The following USP6NL variants were observed in gnomAD, a reference collection of about 807,000 sequenced individuals.
The protein encoded by USP6NL is USP6 N-terminal-like protein.
Under a neutral mutation model 61.9 loss-of-function variants are expected in USP6NL, and 26 were observed. That is an observed-to-expected ratio of 0.42 (90% CI 0.31 to 0.58). USP6NL has a LOEUF of 0.58. USP6NL is among the 20% of genes least tolerant of loss of function. USP6NL has a pLI of 0.16. For synonymous variants in USP6NL, 432 were observed against 390.1 expected (o/e 1.11, Z -1.27); for missense variants, 1,114 against 1,034.3 (o/e 1.08, Z -1.06).
At position 11,574,474 on chromosome 10, in the gene USP6NL, A is replaced by G. The variant is rs558792299; in HGVS notation, c.4+23157T>C. Among the ~76,000 whole-genome samples, 32 of 152,384 alleles carry G rather than the reference A, an allele frequency of 2.1e-4. No homozygotes were observed. The highest frequency in any genetic ancestry group is 3.4e-3 in the Middle Eastern group (1 of 294). On this transcript the variant is annotated intron_variant, in intron 2 of 14. Coordinates refer to ENST00000609104, the MANE Select transcript of USP6NL (RefSeq NM_014688.5). This position sits in a 1 kb window ranked among gnomAD's most constrained non-coding sequence, Gnocchi z 4.3. ...CTGCTCCTTCCATATGATGTTTAACAGCCAAGTTGTAACAAATGCTGAATT... is the reference window on the plus strand; with the variant it reads ...CTGCTCCTTCCATATGATGTTTAACGGCCAAGTTGTAACAAATGCTGAATT...
intron 2 of USP6NL, among the ~76,000 whole-genome samples, chr10:11,590,538 C>T (rs1017212665): frequency 6.6e-6 from 1 of 152,092 alleles, no homozygotes; most frequent in African/African-American, 2.4e-5. Context: ...TACATCTTTT[C>T]ACAAATAAAA....
rs75322171 is a variant in USP6NL, at chr10:11,560,312, A to T, written c.5-32745T>A. On this transcript the variant is annotated intron_variant, in intron 2 of 14. Coordinates refer to ENST00000609104, the MANE Select transcript of USP6NL (RefSeq NM_014688.5). ...TTAAGCAAAATAAGCTTTTAAACAT[A>T]AGAAAATCAAGGATCAGAAACATCA... Among the ~76,000 whole-genome samples, 526 of 152,268 alleles carry T rather than the reference A, an allele frequency of 3.5e-3. 2 individuals are homozygous for T. Among genetic ancestry groups the T allele is most frequent in the African/African-American group, 0.012 (512 of 41,556 alleles).
chr10:11,501,151 G>A lies in USP6NL; in HGVS notation c.334C>T (p.Leu112Phe). Residue 112 changes from leucine to phenylalanine, a missense_variant, in exon 7 of 15, where the codon CTC becomes TTC. Leu to Phe is a conservative substitution (Grantham distance 22, BLOSUM62 0). Transcript: ENST00000609104. ...PLQLRGEVWA[L>F]LLEIPKMKEE... Reference sequence around the variant, plus strand: ...TTCATTTTAGGGATCTCAAGAAGGAGGGCCCAGACTTCACCTCTGAGCTGG... The same window carrying A: ...TTCATTTTAGGGATCTCAAGAAGGAAGGCCCAGACTTCACCTCTGAGCTGG... 6.2e-7 allele frequency: 1 copy of A among 1,613,296 alleles called. No homozygotes were observed. Among genetic ancestry groups the A allele is most frequent in the Non-Finnish European group, 8.5e-7 (1 of 1,179,650 alleles).
At position 11,489,054 on chromosome 10, in the gene USP6NL, CT is replaced by C; in HGVS notation, c.664+47del. 1 of 1,600,618 alleles carries C rather than the reference CT, an allele frequency of 6.2e-7. No individual in the cohort carries two copies. Among genetic ancestry groups the C allele is most frequent in the South Asian group, 1.1e-5 (1 of 89,516 alleles). On this transcript the variant is annotated intron_variant, in intron 10 of 14. Coordinates refer to ENST00000609104, the MANE Select transcript of USP6NL (RefSeq NM_014688.5). The surrounding 1 kb of genome is among the most constrained non-coding windows in gnomAD (Gnocchi z 5.7). ...GCATCTTTGGTTTTGTTTTAATCTA[CT>C]TTTTTCCCTACCTTGATTGTTTAGA... is the stretch of plus-strand genomic sequence containing the variant.
chr10:11,504,374 C>T (rs1223214701), intron 6 of USP6NL, among the ~76,000 whole-genome samples: 1 of 152,184 alleles, frequency 6.6e-6, no homozygotes, highest in Non-Finnish European at 1.5e-5. Flanking sequence ...AATCCTTCAA[C>T]TGGCAAAGTG....
intron 2 of USP6NL, among the ~76,000 whole-genome samples, chr10:11,558,676 A>C (rs1836809071): frequency 6.6e-6 from 1 of 152,224 alleles, no homozygotes. Context: ...TCTAAAGATT[A>C]TCACATCTAT....
At chr10:11,492,830 A>G (rs1471460201) in intron 8 of USP6NL, among the ~76,000 whole-genome samples, 1 of 152,186 alleles carries the variant, frequency 6.6e-6, no homozygotes, top group Non-Finnish European at 1.5e-5. Flanking sequence ...TTTTACACAC[A>G]CTGTCATTCT....
rs558901276 is a variant in USP6NL, at chr10:11,555,415, TAAAAA to T, written c.5-27853_5-27849del. Among the ~76,000 whole-genome samples, 114 of 26,868 alleles carry T rather than the reference TAAAAA, an allele frequency of 4.2e-3. 3 individuals carry two copies. The highest frequency in any genetic ancestry group is 8.2e-3 in the South Asian group (3 of 368). The allele number at this position is 26,868 out of a possible 152,430, so 17.6% of individuals were successfully genotyped here. On this transcript the variant is annotated intron_variant, in intron 2 of 14. Coordinates refer to ENST00000609104, the MANE Select transcript of USP6NL (RefSeq NM_014688.5). ...GGGCAACAAGAGTGAAACTCGGTCT[TAAAAA>T]AAAAAAAAAAAAAATATATATATAT...
Position 11,478,166 on chromosome 10 carries a change from C to T in USP6NL, c.1078+3604G>A, listed in dbSNP as rs1279037543. Among the ~76,000 whole-genome samples the T allele has an allele frequency of 1.3e-5, 2 of 152,176 alleles. No individual in the cohort carries two copies. The highest frequency in any genetic ancestry group is 2.9e-5 in the Non-Finnish European group (2 of 68,032). On this transcript the variant is annotated intron_variant, in intron 14 of 14. Coordinates refer to ENST00000609104, the MANE Select transcript of USP6NL (RefSeq NM_014688.5). The surrounding 1 kb of genome is among the most constrained non-coding windows in gnomAD (Gnocchi z 6.8). Reference sequence around the variant, plus strand: ...AATAGCAATAAAAGATACAACTATCCCCCATAGGACGTGGCACCCCTGCTT... The same window carrying T: ...AATAGCAATAAAAGATACAACTATCTCCCATAGGACGTGGCACCCCTGCTT...
At chr10:11,535,721 A>G (rs1426813197) in intron 2 of USP6NL, among the ~76,000 whole-genome samples, 2 of 152,230 alleles carry the variant, frequency 1.3e-5, no homozygotes, top group Admixed American at 1.3e-4. Flanking sequence ...TGTGTCTTTC[A>G]ACCAAATTCA....
rs1221336138 is a variant in USP6NL, at chr10:11,574,100, A to G, written c.4+23531T>C. On this transcript the variant is annotated intron_variant, in intron 2 of 14. Transcript: ENST00000609104. The surrounding 1 kb of genome is among the most constrained non-coding windows in gnomAD (Gnocchi z 4.3). Reference sequence around the variant, plus strand: ...ATTTTCACAGTGCATCACAGATGCTATGTGCAAGTTTTTAAGTAGTCAACC... The same window carrying G: ...ATTTTCACAGTGCATCACAGATGCTGTGTGCAAGTTTTTAAGTAGTCAACC... Among the ~76,000 whole-genome samples, 1 of 152,260 alleles carries G rather than the reference A, an allele frequency of 6.6e-6. No homozygotes were observed.
Position 11,485,800 on chromosome 10 carries a change from G to A in USP6NL, c.759+17C>T. The A allele has an allele frequency of 3.9e-6, 6 of 1,528,338 alleles. No homozygotes were observed. The highest frequency in any genetic ancestry group is 5.3e-6 in the Non-Finnish European group (6 of 1,132,542). 94.7% of individuals were successfully genotyped at this position (1,528,338 alleles called of 1,614,324 possible). ...GGGGTGGGTAGGTGGGTGTAAGTCA[G>A]TGGCACATCTACCTACCAAGTGTTG... On this transcript the variant is annotated intron_variant, in intron 11 of 14. Coordinates refer to ENST00000609104, the MANE Select transcript of USP6NL (RefSeq NM_014688.5). This position sits in a 1 kb window ranked among gnomAD's most constrained non-coding sequence, Gnocchi z 4.8.
intron 10 of USP6NL, among the ~76,000 whole-genome samples, chr10:11,486,600 G>GA (rs1193867862): frequency 3.9e-5 from 6 of 152,100 alleles, no homozygotes; most frequent in African/African-American, 1.4e-4. Context: ...CCATTAAAAA[G>GA]AAAGTCCACT....
chr10:11,554,935 G>A (rs1488939293), intron 2 of USP6NL, among the ~76,000 whole-genome samples: 4 of 145,014 alleles, frequency 2.8e-5, no homozygotes, highest in Non-Finnish European at 6.0e-5. Flanking sequence ...GAGTAGCTGG[G>A]ACTACAGGTG....
At chr10:11,505,619 A>G (rs1834396976) in intron 6 of USP6NL, among the ~76,000 whole-genome samples, 1 of 152,258 alleles carries the variant, frequency 6.6e-6, no homozygotes, top group Non-Finnish European at 1.5e-5. Context: ...TAGATATGAT[A>G]CATAAAATCT....
chr10:11,532,313 A>T lies in USP6NL; in HGVS notation c.5-4746T>A. On this transcript the variant is annotated intron_variant, in intron 2 of 14. Transcript: ENST00000609104. This position sits in a 1 kb window ranked among gnomAD's most constrained non-coding sequence, Gnocchi z 4.1. ...CAAGAGTGCTGCCCGGCGGTACCTC[A>T]CACATTCTGCAACTAACTAAAACAA... The T allele has an allele frequency of 1.6e-6, 2 of 1,213,292 alleles. No homozygotes were observed. Among genetic ancestry groups the T allele is most frequent in the Non-Finnish European group, 2.3e-6 (2 of 875,310 alleles). The allele number at this position is 1,213,292 out of a possible 1,614,324, so 75.2% of individuals were successfully genotyped here.
intron 2 of USP6NL, chr10:11,573,859 G>A (rs1837446928): frequency 5.1e-6 from 2 of 388,604 alleles, no homozygotes; most frequent in East Asian, 3.6e-5. Flanking sequence ...AACAACGAAA[G>A]GATAGGCTGT....
At position 11,599,728 on chromosome 10, in the gene USP6NL, CT is replaced by C. The variant is rs1167014471; in HGVS notation, c.-83-2012del. Among the ~76,000 whole-genome samples the C allele has an allele frequency of 2.9e-3, 392 of 135,728 alleles. 1 individual carries two copies. Among genetic ancestry groups the C allele is most frequent in the African/African-American group, 5.0e-3 (187 of 37,228 alleles). The allele number at this position is 135,728 out of a possible 152,430, so 89.0% of individuals were successfully genotyped here. On this transcript the variant is annotated intron_variant, in intron 1 of 14. Coordinates refer to ENST00000609104, the MANE Select transcript of USP6NL (RefSeq NM_014688.5). The stretch of plus-strand genomic sequence containing the variant: ...TTTAAAATATAGATCCTCCAACCTA[CT>C]TTTTTTTTTTTTTTTTTTTGAGACG...
chr10:11,576,393 C>A (rs1205442426), intron 2 of USP6NL, among the ~76,000 whole-genome samples: 1 of 145,246 alleles, frequency 6.9e-6, no homozygotes, highest in Non-Finnish European at 1.6e-5. Flanking sequence ...CCCCAAAATT[C>A]CTGTGTTAAA....
Sources: allele counts gnomAD v4.1 joint callset (sites outside exome capture counted in the v4.1 genomes callset), GRCh38; gene constraint gnomAD v4.1.1; non-coding constraint Gnocchi (gnomAD v3.1); transcripts MANE v1.5; gene names NCBI Gene and HGNC (gene_info 2026-07-23, HGNC 2026-07-21).